CAMK1D: variants seen among roughly 807,000 people sequenced by gnomAD.
CAMK1D encodes calcium/calmodulin dependent protein kinase ID, also known as calcium/calmodulin-dependent protein kinase type 1D.
In CAMK1D, 9 loss-of-function variants were observed where a neutral mutation model predicts 47.7. The ratio of observed to expected loss-of-function variants is 0.19; its 90% confidence interval spans 0.11 to 0.33. The LOEUF is 0.33. CAMK1D is among the 10% of genes least tolerant of loss of function. CAMK1D has a pLI of 1.00. For synonymous variants in CAMK1D, 184 were observed against 184.9 expected, an observed-to-expected ratio of 0.99 and a Z score of 0.04; for missense variants, 291 against 488.7, an observed-to-expected ratio of 0.60 and a Z score of 3.81.
intron 1 of CAMK1D, among the ~76,000 whole-genome samples, chr10:12,464,903 T>C (rs1301844346): frequency 1.3e-5 from 2 of 152,100 alleles, no homozygotes; most frequent in East Asian, 3.8e-4. Context: ...TTAAGAACCA[T>C]TCACAAGTCA....
At position 12,827,464 on chromosome 10, in the gene CAMK1D, G is replaced by T. The variant is rs867661450; in HGVS notation, c.1040-1305G>T. Among the ~76,000 whole-genome samples, 56 of 6,000 alleles carry T rather than the reference G, an allele frequency of 9.3e-3. 17 individuals are homozygous for T. Among genetic ancestry groups the T allele is most frequent in the African/African-American group, 0.018 (49 of 2,724 alleles). The allele number at this position is 6,000 out of a possible 152,430, so 3.9% of individuals were successfully genotyped here. On this transcript the variant is annotated intron_variant, in intron 10 of 10. Transcript: ENST00000619168. Reference sequence around the variant, plus strand: ...CTTTCTTTCTTTCTTTTCTTTCTTTGTCTGTCTGTCTTTCTTTCTTTCTTT... The same window carrying T: ...CTTTCTTTCTTTCTTTTCTTTCTTTTTCTGTCTGTCTTTCTTTCTTTCTTT...
chr10:12,509,138 C>A (rs1246253177), intron 1 of CAMK1D, among the ~76,000 whole-genome samples: 2 of 152,196 alleles, frequency 1.3e-5, no homozygotes, highest in Non-Finnish European at 2.9e-5. Flanking sequence ...GGGGAACCTT[C>A]CTCTGGATAA....
intron 1 of CAMK1D, among the ~76,000 whole-genome samples, chr10:12,446,755 G>A (rs149303325): frequency 3.7e-4 from 56 of 152,328 alleles, no homozygotes; most frequent in East Asian, 3.3e-3. Context: ...CTATGCCGGT[G>A]ATTCCCAAGC....
chr10:12,355,753 A>G (rs1217288615), intron 1 of CAMK1D, among the ~76,000 whole-genome samples: 1 of 152,204 alleles, frequency 6.6e-6, no homozygotes, highest in Admixed American at 6.5e-5. Flanking sequence ...TCAGCCTCTC[A>G]TACATTTAAA....
intron 2 of CAMK1D, among the ~76,000 whole-genome samples, chr10:12,558,916 GA>G (rs1442680258): frequency 3.9e-5 from 6 of 152,194 alleles, no homozygotes; most frequent in Admixed American, 1.3e-4. Context: ...TGGGTACACT[GA>G]GGAGTCTCAG....
At chr10:12,451,739 T>C (rs1048933295) in intron 1 of CAMK1D, among the ~76,000 whole-genome samples, 6 of 152,072 alleles carry the variant, frequency 3.9e-5, no homozygotes, top group African/African-American at 1.4e-4. Context: ...TTTGTTGCAT[T>C]GGGAGGCAGA....
chr10:12,642,595 A>G, intron 2 of CAMK1D, among the ~76,000 whole-genome samples: 1 of 152,240 alleles, frequency 6.6e-6, no homozygotes, highest in East Asian at 1.9e-4. Context: ...CTGCTTATGA[A>G]GTTTGCATAC....
chr10:12,420,168 C>A (rs1352408298), intron 1 of CAMK1D, among the ~76,000 whole-genome samples: 3 of 152,124 alleles, frequency 2.0e-5, no homozygotes, highest in African/African-American at 7.2e-5. Flanking sequence ...TCTTGTTGAC[C>A]AGGTTGGTCT....
intron 1 of CAMK1D, among the ~76,000 whole-genome samples, chr10:12,537,518 G>A (rs1836015053): frequency 6.6e-6 from 1 of 152,210 alleles, no homozygotes; most frequent in South Asian, 2.1e-4. Flanking sequence ...GAAAAAGCCT[G>A]CCTTGCTGAG....
chr10:12,566,555 C>T (rs554508492), intron 2 of CAMK1D, among the ~76,000 whole-genome samples: 23 of 152,344 alleles, frequency 1.5e-4, no homozygotes, highest in African/African-American at 5.3e-4. Context: ...GGAACTTAGA[C>T]ATCTTGGTCC....
chr10:12,472,143 T>C (rs1833765861), intron 1 of CAMK1D, among the ~76,000 whole-genome samples: 1 of 152,178 alleles, frequency 6.6e-6, no homozygotes, highest in African/African-American at 2.4e-5. Context: ...ACCTTCTCCT[T>C]TGTCGAGTTC....
chr10:12,778,742 A>G (rs1462899541), intron 5 of CAMK1D, among the ~76,000 whole-genome samples: 1 of 152,120 alleles, frequency 6.6e-6, no homozygotes, highest in Non-Finnish European at 1.5e-5. Context: ...GTGTGGTGGC[A>G]CACACCTGTA....
chr10:12,806,331 C>G (rs539295975), intron 6 of CAMK1D, among the ~76,000 whole-genome samples: 185 of 152,348 alleles, frequency 1.2e-3, no homozygotes, highest in African/African-American at 4.3e-3. Flanking sequence ...AGTGCTCAGT[C>G]TTTGGTGACA....
intron 10 of CAMK1D, among the ~76,000 whole-genome samples, chr10:12,827,807 G>A (rs1252035632): frequency 5.9e-5 from 9 of 151,924 alleles, no homozygotes; most frequent in Non-Finnish European, 4.4e-5. Flanking sequence ...TCCTGTCTCA[G>A]CCTTCTGAGT....
At chr10:12,515,615 CTTT>C (rs10567496) in intron 1 of CAMK1D, among the ~76,000 whole-genome samples, 3 of 115,602 alleles carry the variant, frequency 2.6e-5, no homozygotes, top group Non-Finnish European at 3.4e-5. Context: ...TCCCCTTCCT[CTTT>C]TTTTTTTTTG....
chr10:12,410,983 G>T (rs1839636502), intron 1 of CAMK1D, among the ~76,000 whole-genome samples: 1 of 152,168 alleles, frequency 6.6e-6, no homozygotes, highest in African/African-American at 2.4e-5. Flanking sequence ...TGTTTCTAGA[G>T]AGTGCATGGT....
At chr10:12,708,502 T>A (rs1833814913) in intron 3 of CAMK1D, among the ~76,000 whole-genome samples, 2 of 152,134 alleles carry the variant, frequency 1.3e-5, no homozygotes, top group Admixed American at 1.3e-4. Context: ...GTGATTAAGA[T>A]CACGTAAACA....
intron 2 of CAMK1D, among the ~76,000 whole-genome samples, chr10:12,616,892 T>C (rs1043889642): frequency 6.6e-6 from 1 of 152,160 alleles, no homozygotes; most frequent in Non-Finnish European, 1.5e-5. Context: ...CTTGAGTCCA[T>C]ACATTATAAC....
intron 2 of CAMK1D, among the ~76,000 whole-genome samples, chr10:12,578,463 G>A (rs539137304): frequency 7.3e-5 from 11 of 151,262 alleles, no homozygotes; most frequent in African/African-American, 2.7e-4. Context: ...CTAGCTACTC[G>A]AGAGGCTGAG....
Sources: gnomAD v4.1 joint callset for allele counts (sites outside exome capture counted in the v4.1 genomes callset) on GRCh38, gnomAD v4.1.1 for gene constraint, MANE v1.5 for transcripts, NCBI Gene and HGNC (gene_info 2026-07-23, HGNC 2026-07-21) for gene names.